ROBO2: variants seen among roughly 807,000 people sequenced by gnomAD.
ROBO2 encodes roundabout guidance receptor 2.
ROBO2 carries 53 observed loss-of-function variants against 160.8 expected under a neutral mutation model. The ratio of observed to expected loss-of-function variants is 0.33; its 90% CI spans 0.26 to 0.41. The LOEUF (loss-of-function observed/expected upper bound fraction) is 0.41. ROBO2 is among the 10% of genes least tolerant of loss of function. ROBO2 has a pLI of 1.00. For synonymous variants in ROBO2, 664 were observed against 611.7 expected (o/e 1.09, Z -1.26); for missense variants, 1,577 against 1,722.4 (o/e 0.92, Z 1.49).
chr3:77,203,292 T>C (rs542976727), intron 2 of ROBO2, among the ~76,000 whole-genome samples: 1 of 152,320 alleles, frequency 6.6e-6, no homozygotes, highest in Admixed American at 6.5e-5. Context: ...CAAAATTAAG[T>C]AATCTTTGAT....
intron 2 of ROBO2, among the ~76,000 whole-genome samples, chr3:76,826,239 G>T (rs1206941635): frequency 1.3e-5 from 2 of 151,956 alleles, no homozygotes; most frequent in Non-Finnish European, 2.9e-5. Context: ...TTCAAGCATG[G>T]GCATTGCAAT....
At chr3:75,955,430 T>C (rs1296495189) in intron 2 of ROBO2, among the ~76,000 whole-genome samples, 1 of 151,682 alleles carries the variant, frequency 6.6e-6, no homozygotes, top group East Asian at 2.0e-4. Flanking sequence ...TTTCCTTTCC[T>C]ACTTTTTGAT....
At chr3:76,410,053 A>G (rs1453903561) in intron 2 of ROBO2, among the ~76,000 whole-genome samples, 1 of 152,078 alleles carries the variant, frequency 6.6e-6, no homozygotes, top group Non-Finnish European at 1.5e-5. Flanking sequence ...TTTCGCATGC[A>G]TGTTTTGTCA....
At chr3:77,024,932 C>A (rs907955548) in intron 2 of ROBO2, among the ~76,000 whole-genome samples, 3 of 151,230 alleles carry the variant, frequency 2.0e-5, no homozygotes, top group Admixed American at 6.6e-5. Context: ...TTAGCCTGAC[C>A]TTTTTCTGTT....
intron 2 of ROBO2, among the ~76,000 whole-genome samples, chr3:76,865,823 A>G (rs1273568594): frequency 6.6e-6 from 1 of 152,132 alleles, no homozygotes; most frequent in Non-Finnish European, 1.5e-5. Context: ...TTTCTAGTAC[A>G]AATGCTGTAT....
chr3:76,795,963 T>G (rs566099814), intron 2 of ROBO2, among the ~76,000 whole-genome samples: 35 of 152,146 alleles, frequency 2.3e-4, no homozygotes, highest in Non-Finnish European at 3.8e-4. Context: ...ATTAATTTTT[T>G]TATACATCTC....
chr3:76,340,861 T>C (rs2074181754), intron 2 of ROBO2, among the ~76,000 whole-genome samples: 1 of 152,176 alleles, frequency 6.6e-6, no homozygotes, highest in Non-Finnish European at 1.5e-5. Flanking sequence ...ACAAGAATTA[T>C]AATATGTTAG....
chr3:75,999,547 A>G (rs1252225075), intron 2 of ROBO2, among the ~76,000 whole-genome samples: 1 of 152,170 alleles, frequency 6.6e-6, no homozygotes, highest in Non-Finnish European at 1.5e-5. Flanking sequence ...TTATAAAGAT[A>G]TTTCAACTGG....
intron 1 of ROBO2, among the ~76,000 whole-genome samples, chr3:75,934,859 A>G (rs1218530435): frequency 6.6e-6 from 1 of 152,142 alleles, no homozygotes; most frequent in African/African-American, 2.4e-5. Context: ...TTTTAAAATG[A>G]CTACTGGATG....
At chr3:76,590,378 G>A (rs75913877) in intron 2 of ROBO2, among the ~76,000 whole-genome samples, 51,579 of 151,868 alleles carry the variant, frequency 0.34, 8,915 homozygotes, top group Middle Eastern at 0.44. Flanking sequence ...CTATTTATAC[G>A]TATAATTATT....
rs866990515 is a variant in ROBO2 at position 76,398,242 on chromosome 3, G to C, written c.109+460640G>C. 4.7e-5 allele frequency among the ~76,000 whole-genome samples: 7 copies of C among 149,594 alleles called. No homozygotes were observed. In the Admixed American group the frequency reaches 4.7e-4, roughly 10 times the overall value. On this transcript the variant is annotated intron_variant, in intron 2 of 26. Coordinates refer to the ROBO2 transcript ENST00000487694. ...TCGCAAGGAGAAAAAACCAAACACT[G>C]CATGTTCTCACTCATAGGTGGGAAT... is the stretch of plus-strand genomic sequence containing the variant.
chr3:76,840,646 TATA>T (rs1331925725), intron 2 of ROBO2, among the ~76,000 whole-genome samples: 11 of 9,032 alleles, frequency 1.2e-3, no homozygotes, highest in Admixed American at 9.7e-3. Flanking sequence ...AATTATATTT[TATA>T]TATATATATA....
chr3:77,166,038 A>G (rs1174165626), intron 2 of ROBO2, among the ~76,000 whole-genome samples: 1 of 152,152 alleles, frequency 6.6e-6, no homozygotes, highest in Non-Finnish European at 1.5e-5. Flanking sequence ...TACTTTACCC[A>G]TAAGTACTCC....
intron 2 of ROBO2, chr3:76,434,127 G>A: frequency 8.1e-7 from 1 of 1,228,412 alleles, no homozygotes; most frequent in Non-Finnish European, 1.2e-6. Flanking sequence ...AGCTCCATAT[G>A]TGCAAGCATT....
chr3:75,990,071 TTAAA>T (rs2065523902), intron 2 of ROBO2, among the ~76,000 whole-genome samples: 1 of 152,204 alleles, frequency 6.6e-6, no homozygotes, highest in Non-Finnish European at 1.5e-5. Context: ...CTTTTAAAAA[TTAAA>T]TAAGCTTATA....
chr3:76,013,012 A>C (rs1454474591), intron 2 of ROBO2, among the ~76,000 whole-genome samples: 2 of 150,832 alleles, frequency 1.3e-5, no homozygotes, highest in East Asian at 3.9e-4. Flanking sequence ...CAGAAGTAAA[A>C]TATGCATAAA....
intron 2 of ROBO2, among the ~76,000 whole-genome samples, chr3:76,292,699 GA>G (rs968244397): frequency 6.7e-6 from 1 of 150,364 alleles, no homozygotes; most frequent in African/African-American, 2.4e-5. Flanking sequence ...CATGCAACTT[GA>G]AAAAAAAATT....
chr3:77,028,095 T>G (rs1361738838), intron 2 of ROBO2, among the ~76,000 whole-genome samples: 1 of 151,970 alleles, frequency 6.6e-6, no homozygotes, highest in African/African-American at 2.4e-5. Flanking sequence ...TCCTTACTCC[T>G]CTTCATAACC....
chr3:76,987,558 A>G (rs2060449075), intron 2 of ROBO2, among the ~76,000 whole-genome samples: 2 of 152,198 alleles, frequency 1.3e-5, no homozygotes, highest in Admixed American at 1.3e-4. Context: ...GGGATATTGC[A>G]AAGGACTTTA....
Sources: allele counts gnomAD v4.1 joint callset (sites outside exome capture counted in the v4.1 genomes callset), GRCh38; gene constraint gnomAD v4.1.1; transcripts MANE v1.5; gene names NCBI Gene and HGNC (gene_info 2026-07-23, HGNC 2026-07-21).